The following ABLIM2 variants were observed in gnomAD, a reference collection of about 807,000 sequenced individuals.
ABLIM2 encodes the protein actin-binding LIM protein 2.
Under a neutral mutation model 97.7 loss-of-function variants are expected in ABLIM2, and 53 were observed. That is an observed-to-expected ratio of 0.54 (90% CI 0.44 to 0.68). The LOEUF is 0.68. Ranked by LOEUF, ABLIM2 falls within the 30% of genes least tolerant of loss-of-function variation. ABLIM2 has a pLI of 0.00. For missense variants in ABLIM2, 835 were observed against 867.2 expected, an observed-to-expected ratio of 0.96 and a Z score of 0.47; for synonymous variants, 361 against 345.8, an observed-to-expected ratio of 1.04 and a Z score of -0.49.
rs1275013773 is a variant in ABLIM2, at chr4:8,020,278, G to A, written c.1293C>T (p.Pro431=). 4 of 1,613,818 alleles carry A rather than the reference G, an allele frequency of 2.5e-6. No homozygotes were observed. The highest frequency in any genetic ancestry group is 3.3e-5 in the Admixed American group (2 of 60,010). Residue 431 remains proline, a synonymous_variant, in exon 13 of 21, where the codon CCC becomes CCT. Coordinates refer to ENST00000447017, the MANE Select transcript of ABLIM2 (RefSeq NM_001130083.2). ...FRGSESGRST[P]SLSVLSDSKP... ...TGCTGTCAGAGAGCACGGAGAGGCT[G>A]GGGGTGCTCCGGCCACTTTCACTGC... is the stretch of plus-strand genomic sequence containing the variant.
At chr4:8,041,592 C>T (rs1788582196) in intron 9 of ABLIM2, among the ~76,000 whole-genome samples, 2 of 150,370 alleles carry the variant, frequency 1.3e-5, no homozygotes, top group African/African-American at 4.9e-5. Flanking sequence ...TTGCAAATGC[C>T]AGTTTGTTTA....
intron 1 of ABLIM2, among the ~76,000 whole-genome samples, chr4:8,139,865 T>C (rs1850702400): frequency 6.6e-6 from 1 of 152,020 alleles, no homozygotes; most frequent in Non-Finnish European, 1.5e-5. Flanking sequence ...TGCCCATCAC[T>C]GATAGAATGG....
chr4:8,045,944 G>A (rs768920890), intron 8 of ABLIM2, among the ~76,000 whole-genome samples: 1 of 152,172 alleles, frequency 6.6e-6, no homozygotes. Context: ...CTTGGCCCCC[G>A]GCTCTGTCCT....
At position 8,045,086 on chromosome 4, in the gene ABLIM2, G is replaced by A. The variant is rs187425759; in HGVS notation, c.900+78C>T. 1.9e-4 allele frequency: 242 copies of A among 1,294,140 alleles called. 1 individual carries two copies. In the African/African-American group the frequency reaches 3.2e-3, roughly 17 times the overall value. The allele number at this position is 1,294,140 out of a possible 1,614,324, so 80.2% of individuals were successfully genotyped here. A position where few individuals can be genotyped will look rare whatever the true frequency, so the allele number is the denominator to read the frequency against. Reference sequence around the variant, plus strand: ...GTTCTCGGAAAACTCTCTTAGGGGTGGGCTTAGCCACGGCCACCGGGCCCC... The same window carrying A: ...GTTCTCGGAAAACTCTCTTAGGGGTAGGCTTAGCCACGGCCACCGGGCCCC... On this transcript the variant is annotated intron_variant, in intron 9 of 20. Transcript: ENST00000447017.
chr4:8,071,688 CA>C lies in ABLIM2; in HGVS notation c.675+5939del. Reference sequence around the variant, plus strand: ...GTCTCACACCTGACTGCTCTGTCCCCAAAAACCCACCCACCCGCAGCCCCTC... The same window carrying C: ...GTCTCACACCTGACTGCTCTGTCCCCAAAACCCACCCACCCGCAGCCCCTC... On this transcript the variant is annotated intron_variant, in intron 6 of 20. Coordinates refer to ENST00000447017, the MANE Select transcript of ABLIM2 (RefSeq NM_001130083.2). The surrounding 1 kb of genome is among the most constrained non-coding windows in gnomAD (Gnocchi z 6.2). 1.0e-6 allele frequency: 1 copy of C among 957,932 alleles called. No homozygotes were observed. The highest frequency in any genetic ancestry group is 1.2e-6 in the Non-Finnish European group (1 of 804,672). The allele number at this position is 957,932 out of a possible 1,614,324, so 59.3% of individuals were successfully genotyped here.
chr4:7,983,403 G>A, intron 19 of ABLIM2, 59 bp from the exon 20 acceptor site: 1 of 1,584,454 alleles, frequency 6.3e-7, no homozygotes, highest in Non-Finnish European at 8.6e-7. Context: ...TGGCACCAAA[G>A]AACTGAGCAG....
intron 3 of ABLIM2, among the ~76,000 whole-genome samples, chr4:8,093,090 C>A (rs1470846771): frequency 6.6e-6 from 1 of 152,174 alleles, no homozygotes; most frequent in Non-Finnish European, 1.5e-5. Flanking sequence ...CTCAAGTGAT[C>A]TACCCGGCTC....
rs1723123923 is a variant in ABLIM2, at chr4:7,966,704, C to T, written c.*286G>A. 3 of 402,044 alleles carry T rather than the reference C, an allele frequency of 7.5e-6. No individual in the cohort carries two copies. In the South Asian group the frequency reaches 1.4e-4, roughly 19 times the overall value. The allele number at this position is 402,044 out of a possible 1,614,324, so 24.9% of individuals were successfully genotyped here. A position where few individuals can be genotyped will look rare whatever the true frequency, so the allele number is the denominator to read the frequency against. On this transcript the variant is annotated 3_prime_UTR_variant, in exon 21 of 21. Transcript: ENST00000447017. ...CTGGGAAGGTGGGCTGGGCTGCAGC[C>T]ACCTGTGTGCTCCATCTGATGCCCG...
At chr4:8,029,869 T>A (rs1411244190) in intron 10 of ABLIM2, 93 bp from the exon 11 acceptor site, 51 of 1,470,686 alleles carry the variant, frequency 3.5e-5, no homozygotes, top group Admixed American at 1.7e-4. Flanking sequence ...GTGTTTGCCC[T>A]CCTGACCCAA....
chr4:8,062,596 G>T (rs910421810), intron 6 of ABLIM2, among the ~76,000 whole-genome samples: 2 of 151,930 alleles, frequency 1.3e-5, no homozygotes, highest in African/African-American at 4.8e-5. Flanking sequence ...CCACCACCAC[G>T]CCTGGCTAAT....
At chr4:8,073,350 C>T (rs1813698434) in intron 6 of ABLIM2, among the ~76,000 whole-genome samples, 1 of 151,172 alleles carries the variant, frequency 6.6e-6, no homozygotes, top group Non-Finnish European at 1.5e-5. Flanking sequence ...GAAGACAAGG[C>T]CGCTGTGTGG....
In ABLIM2 at chr4:8,097,150, G is replaced by A. The variant is rs373186082; in HGVS notation, c.287C>T (p.Ser96Leu). The stretch of plus-strand genomic sequence containing the variant: ...GGGGTGGTAGGTCTTGCCCAGCGCC[G>A]ACACCACCTCACCCTCAATGAACTG... ...CDQFIEGEVV[S>L]ALGKTYHPDC... The change falls in exon 3 of 21, where the codon TCG becomes TTG. Residue 96 changes from serine (S) to leucine (L), a missense_variant. Physicochemically the swap from Ser to Leu is moderately radical, Grantham distance 145. Transcript: ENST00000447017. 9.2e-5 allele frequency: 148 copies of A among 1,611,022 alleles called. No individual in the cohort carries two copies. The highest frequency in any genetic ancestry group is 1.2e-4 in the Non-Finnish European group (142 of 1,178,954).
rs1824154594 is a variant in ABLIM2 at position 8,087,060 on chromosome 4, A to C, written c.454+1109T>G. ...TGGAATCGCCTCTGTAGAGACTCTC[A>C]ACGCAGCAGACAAGGTGGGGGAGAA... On this transcript the variant is annotated intron_variant, in intron 4 of 20. Coordinates refer to ENST00000447017, the MANE Select transcript of ABLIM2 (RefSeq NM_001130083.2). This position sits in a 1 kb window ranked among gnomAD's most constrained non-coding sequence, Gnocchi z 4.6. Among the ~76,000 whole-genome samples the C allele has an allele frequency of 1.3e-5, 2 of 152,178 alleles. No individual in the cohort carries two copies. The highest frequency in any genetic ancestry group is 2.9e-5 in the Non-Finnish European group (2 of 68,020).
chr4:8,071,736 C>T lies in ABLIM2; in HGVS notation c.675+5892G>A. The T allele has an allele frequency of 1.1e-6, 1 of 919,898 alleles. No homozygotes were observed. Among genetic ancestry groups the T allele is most frequent in the Non-Finnish European group, 1.3e-6 (1 of 772,998 alleles). The allele number at this position is 919,898 out of a possible 1,614,324, so 57.0% of individuals were successfully genotyped here. ...CCTCCTGGCCCCTGTGAGCCCCCATCAGCCCCTTGGAGTTGCGGGCCAGGT... is the reference window on the plus strand; with the variant it reads ...CCTCCTGGCCCCTGTGAGCCCCCATTAGCCCCTTGGAGTTGCGGGCCAGGT... On this transcript the variant is annotated intron_variant, in intron 6 of 20. Transcript: ENST00000447017. The surrounding 1 kb of genome is among the most constrained non-coding windows in gnomAD (Gnocchi z 6.2).
In ABLIM2 at chr4:8,019,628, G is replaced by A; in HGVS notation, c.1413C>T (p.Tyr471=). ...GGAATCCAACCGTACCATGCTGTCTGTAGATAGGGGGTTTCCTATAGATGT... is the reference window on the plus strand; with the variant it reads ...GGAATCCAACCGTACCATGCTGTCTATAGATAGGGGGTTTCCTATAGATGT... ...KDNIYRKPPI[Y]RQHAARRSDG... is the part of the protein sequence containing the mutation. The change falls in exon 14 of 21, where the codon TAC becomes TAT. Residue 471 remains tyrosine, a synonymous_variant. Transcript: ENST00000447017. This position sits in a 1 kb window ranked among gnomAD's most constrained non-coding sequence, Gnocchi z 4.3. 6.2e-7 allele frequency: 1 copy of A among 1,612,200 alleles called. No homozygotes were observed. The highest frequency in any genetic ancestry group is 8.5e-7 in the Non-Finnish European group (1 of 1,179,286).
chr4:8,152,121 A>C (rs553253885), intron 1 of ABLIM2, among the ~76,000 whole-genome samples: 16 of 152,238 alleles, frequency 1.1e-4, no homozygotes, highest in African/African-American at 3.4e-4. Flanking sequence ...CTCACCAAGA[A>C]GCGCCATCAT....
At chr4:7,976,912 C>CCCATAT (rs1733857689) in intron 20 of ABLIM2, among the ~76,000 whole-genome samples, 1 of 151,802 alleles carries the variant, frequency 6.6e-6, no homozygotes, top group Admixed American at 6.6e-5. Context: ...CATGTACACA[C>CCCATAT]ACACATACAC....
chr4:8,049,780 G>A (rs554687376), intron 8 of ABLIM2, among the ~76,000 whole-genome samples: 1 of 152,234 alleles, frequency 6.6e-6, no homozygotes, highest in East Asian at 1.9e-4. Context: ...CCAGGCTGGA[G>A]TGCAGTGCCA....
chr4:8,141,487 T>A (rs747961233), intron 1 of ABLIM2, among the ~76,000 whole-genome samples: 2 of 152,236 alleles, frequency 1.3e-5, no homozygotes, highest in Non-Finnish European at 2.9e-5. Context: ...AACATTTGAA[T>A]AATTCAACTT....
Sources: allele counts gnomAD v4.1 joint callset (sites outside exome capture counted in the v4.1 genomes callset), GRCh38; gene constraint gnomAD v4.1.1; non-coding constraint Gnocchi (gnomAD v3.1); transcripts MANE v1.5; gene names NCBI Gene and HGNC (gene_info 2026-07-23, HGNC 2026-07-21).